Variants in CC2D2B observed in about 807,000 individuals in gnomAD.
The protein encoded by CC2D2B is protein CC2D2B.
A neutral mutation model predicts 161.2 loss-of-function variants in CC2D2B; 128 were observed. That is an observed-to-expected ratio of 0.79 (90% CI 0.69 to 0.92). The LOEUF is 0.92. Ranked by LOEUF, CC2D2B falls within the 40% of genes least tolerant of loss-of-function variation. The pLI is 0.00. For missense variants in CC2D2B, 1,173 were observed against 1,375.1 expected (o/e 0.85, Z 2.32); for synonymous variants, 391 against 449.8 (o/e 0.87, Z 1.65).
At chr10:96,011,853 G>A (rs967416854) in intron 26 of CC2D2B, among the ~76,000 whole-genome samples, 5 of 152,064 alleles carry the variant, frequency 3.3e-5, no homozygotes, top group Admixed American at 2.0e-4. Context: ...AATACAAAAT[G>A]TAACATGATC....
At chr10:96,030,123 AT>A (rs530218391) in intron 34 of CC2D2B, among the ~76,000 whole-genome samples, 80 of 151,552 alleles carry the variant, frequency 5.3e-4, no homozygotes, top group African/African-American at 1.7e-3. Context: ...GCTATTTTTT[AT>A]TTTTTTCTGG....
At chr10:95,948,104 G>C (rs562968246) in intron 9 of CC2D2B, among the ~76,000 whole-genome samples, 1 of 152,256 alleles carries the variant, frequency 6.6e-6, no homozygotes, top group Admixed American at 6.5e-5. Context: ...TACTGAGATA[G>C]ATTACAATAG....
intron 17 of CC2D2B, among the ~76,000 whole-genome samples, chr10:95,978,860 T>C (rs2077409522): frequency 6.6e-6 from 1 of 152,246 alleles, no homozygotes; most frequent in Admixed American, 6.5e-5. Context: ...GCTGCCAAGT[T>C]TTCTGTTTGA....
intron 3 of CC2D2B, among the ~76,000 whole-genome samples, chr10:95,922,942 G>T (rs1331763501): frequency 6.8e-6 from 1 of 146,368 alleles, no homozygotes; most frequent in African/African-American, 2.6e-5. Flanking sequence ...TGGGACTATA[G>T]GCATGTATGT....
Position 96,032,943 on chromosome 10 carries a change from T to C in CC2D2B, c.*935T>C, listed in dbSNP as rs891217890. Among the ~76,000 whole-genome samples, 4 of 152,200 alleles carry C rather than the reference T, an allele frequency of 2.6e-5. No individual in the cohort carries two copies. The highest frequency in any genetic ancestry group is 5.9e-5 in the Non-Finnish European group (4 of 68,026). On this transcript the variant is annotated 3_prime_UTR_variant, in exon 35 of 35. Coordinates refer to ENST00000646931, the MANE Select transcript of CC2D2B (RefSeq NM_001349008.3). ...ATCCTAAGAGCCCCTCAAGAAAGAC[T>C]GGACAGGGGTCTAAGTAGGAAGCAC...
Position 96,024,831 on chromosome 10 carries a change from T to C in CC2D2B, c.3889-22T>C, listed in dbSNP as rs541163189. 6 of 1,387,792 alleles carry C rather than the reference T, an allele frequency of 4.3e-6. No individual in the cohort carries two copies. In the Admixed American group the frequency reaches 1.0e-4, roughly 23 times the overall value. 86.0% of individuals were successfully genotyped at this position (1,387,792 alleles called of 1,614,324 possible). A position where few individuals can be genotyped will look rare whatever the true frequency, so the allele number is the denominator to read the frequency against. On this transcript the variant is annotated intron_variant, in intron 32 of 34. Coordinates refer to ENST00000646931, the MANE Select transcript of CC2D2B (RefSeq NM_001349008.3). ...TAAACATGGTCTCTAGAATCTATTC[T>C]AACTTTGGTTGTCTATTTCAGCCTG...
intron 3 of CC2D2B, among the ~76,000 whole-genome samples, chr10:95,923,948 G>A (rs556293387): frequency 2.0e-3 from 304 of 152,264 alleles, no homozygotes; most frequent in African/African-American, 7.0e-3. Context: ...TTGAACCCGG[G>A]AGGGGGAGGT....
intron 32 of CC2D2B, chr10:96,022,855 A>C (rs1156657807): frequency 6.6e-6 from 1 of 152,426 alleles, no homozygotes; most frequent in African/African-American, 2.4e-5. Flanking sequence ...GCACAGCAGG[A>C]GGCCCTGAGG....
chr10:95,923,135 A>G (rs752552800), intron 3 of CC2D2B, among the ~76,000 whole-genome samples: 1 of 152,000 alleles, frequency 6.6e-6, no homozygotes, highest in Admixed American at 6.5e-5. Context: ...TATTTTTAGT[A>G]GAGATGGGGT....
At chr10:95,934,446 A>AACAAAC (rs1554830778) in intron 6 of CC2D2B, among the ~76,000 whole-genome samples, 3 of 149,868 alleles carry the variant, frequency 2.0e-5, no homozygotes, top group Non-Finnish European at 4.4e-5. Context: ...TGAAAAAAAA[A>AACAAAC]AAACAAACAA....
At chr10:95,940,620 G>T (rs1474421959) in intron 9 of CC2D2B, among the ~76,000 whole-genome samples, 1 of 152,018 alleles carries the variant, frequency 6.6e-6, no homozygotes, top group Non-Finnish European at 1.5e-5. Flanking sequence ...TGGATATCCA[G>T]TTGACTTAGT....
At chr10:95,981,109 C>G (rs2077501153) in intron 17 of CC2D2B, among the ~76,000 whole-genome samples, 1 of 151,986 alleles carries the variant, frequency 6.6e-6, no homozygotes, top group South Asian at 2.1e-4. Flanking sequence ...AAGATTATCT[C>G]ATGGCAGGGC....
rs140702812 is a variant in CC2D2B, at chr10:95,982,113, G to T, written c.2082G>T (p.Thr694=). Residue 694 remains threonine, a splice_region_variant and synonymous_variant, in exon 18 of 35, where the codon ACG becomes ACT. Transcript: ENST00000646931. ...ATTCTGATTTAATGGAATCTGTTAC[G>T]GTAAGTTAAAGCAAATATCAATACT... ...PEYSDLMESV[T]YMRLKGQDIP... 22 of 1,227,352 alleles carry T rather than the reference G, an allele frequency of 1.8e-5. No homozygotes were observed. The highest frequency in any genetic ancestry group is 6.2e-4 in the Middle Eastern group (2 of 3,202). The allele number at this position is 1,227,352 out of a possible 1,614,324, so 76.0% of individuals were successfully genotyped here. A position where few individuals can be genotyped will look rare whatever the true frequency, so the allele number is the denominator to read the frequency against.
intron 6 of CC2D2B, among the ~76,000 whole-genome samples, chr10:95,931,055 A>G (rs2098549227): frequency 6.6e-6 from 1 of 152,174 alleles, no homozygotes; most frequent in African/African-American, 2.4e-5. Context: ...TATTGCCTCA[A>G]TTTCAGAATT....
Position 95,968,830 on chromosome 10 carries a change from G to T in CC2D2B, c.1573G>T (p.Asp525Tyr). 2 of 1,222,248 alleles carry T rather than the reference G, an allele frequency of 1.6e-6. No homozygotes were observed. Among genetic ancestry groups the T allele is most frequent in the Non-Finnish European group, 2.0e-6 (2 of 979,146 alleles). The allele number at this position is 1,222,248 out of a possible 1,614,324, so 75.7% of individuals were successfully genotyped here. A position where few individuals can be genotyped will look rare whatever the true frequency, so the allele number is the denominator to read the frequency against. Residue 525 changes from aspartate to tyrosine, a missense_variant, in exon 15 of 35, where the codon GAT (aspartate) becomes TAT (tyrosine). Physicochemically the swap from Asp to Tyr is radical, Grantham distance 160 (BLOSUM62 -3). Transcript: ENST00000646931. ...SCTSVSPLQF[D>Y]FKVMFQQIFN... Reference sequence around the variant, plus strand: ...TACTTCAGTATCTCCCCTACAGTTTGATTTTAAAGTCATGTTTCAGCAAAT... The same window carrying T: ...TACTTCAGTATCTCCCCTACAGTTTTATTTTAAAGTCATGTTTCAGCAAAT...
chr10:95,945,624 C>A (rs1185127051), intron 9 of CC2D2B, among the ~76,000 whole-genome samples: 4 of 152,014 alleles, frequency 2.6e-5, no homozygotes, highest in Non-Finnish European at 5.9e-5. Context: ...TTTTATGTAG[C>A]CTTTGATTCA....
intron 12 of CC2D2B, among the ~76,000 whole-genome samples, chr10:95,965,567 T>C (rs2076911628): frequency 6.6e-6 from 1 of 151,918 alleles, no homozygotes; most frequent in Non-Finnish European, 1.5e-5. Flanking sequence ...GGAAACAGGG[T>C]ATGTGTCCTT....
At chr10:96,016,154 T>A (rs1228667719) in intron 29 of CC2D2B, 47 bp from the exon 30 acceptor site, 3 of 1,288,976 alleles carry the variant, frequency 2.3e-6, no homozygotes, top group Non-Finnish European at 3.4e-6. Context: ...TACTCAACTT[T>A]CCCGCACTTT....
At chr10:95,909,967 C>T (rs932784005) in intron 1 of CC2D2B, among the ~76,000 whole-genome samples, 7 of 152,094 alleles carry the variant, frequency 4.6e-5, no homozygotes, top group African/African-American at 1.4e-4. Flanking sequence ...AGCAACACAG[C>T]GAGACCCTGT....
Sources: allele counts gnomAD v4.1 joint callset (sites outside exome capture counted in the v4.1 genomes callset), GRCh38; gene constraint gnomAD v4.1.1; transcripts MANE v1.5; gene names NCBI Gene and HGNC (gene_info 2026-07-23, HGNC 2026-07-21).